The following ADGRV1 variants were observed in gnomAD, a reference collection of about 807,000 sequenced individuals.
The protein encoded by ADGRV1 is G-protein coupled receptor 98.
ADGRV1 carries 359 observed loss-of-function variants against 596.2 expected under a neutral mutation model. The observed-to-expected ratio is 0.60, with a 90% confidence interval of 0.55 to 0.66. ADGRV1 has a LOEUF of 0.66. Ranked by LOEUF, ADGRV1 falls within the 30% of genes least tolerant of loss-of-function variation. ADGRV1 has a pLI of 0.00. For synonymous variants in ADGRV1, 2,681 were observed against 2,679.2 expected (o/e 1.00, Z -0.02); for missense variants, 7,274 against 7,575.6 (o/e 0.96, Z 1.48).
At chr5:90,813,684 C>T (rs1039220915) in intron 74 of ADGRV1, among the ~76,000 whole-genome samples, 1 of 152,204 alleles carries the variant, frequency 6.6e-6, no homozygotes, top group Non-Finnish European at 1.5e-5. Context: ...GGCACATTCA[C>T]GTGGTCATAA....
rs751857929 is a variant in ADGRV1 at position 90,693,907 on chromosome 5, G to T, written c.7151G>T (p.Arg2384Leu). The T allele has an allele frequency of 7.7e-6, 12 of 1,556,518 alleles. No homozygotes were observed. Among genetic ancestry groups the T allele is most frequent in the South Asian group, 1.2e-5 (1 of 81,168 alleles). ...CATTTTAGCGGAGGGCACTTTGGTC[G>T]GCTGTTGTTGTTCTACAGTACTTCC... is the stretch of plus-strand genomic sequence containing the variant. The part of the protein sequence containing the change: ...TVRRSGGHFG[R>L]LLLFYSTSDI... Residue 2384 changes from arginine to leucine, a missense_variant, in exon 33 of 90, where the codon CGG (arginine) becomes CTG (leucine). By Grantham distance (102) the Arg-to-Leu change is moderately radical. This residue lies in a region of ADGRV1 where 3,643 missense variants were observed against 3,809.2 expected (regional missense o/e 0.96). Transcript: ENST00000405460.
rs764167964 is a variant in ADGRV1 at position 90,834,898 on chromosome 5, CTCTT to C, written c.16612-5674_16612-5671del. On this transcript the variant is annotated intron_variant, in intron 77 of 89. Transcript: ENST00000405460. ...CTCTTTCTTTCTTTTTTCTTTCTTT[CTCTT>C]TCTTTTTCTTTCTCTTTCCTTCTTT... Among the ~76,000 whole-genome samples, 156 of 147,710 alleles carry C rather than the reference CTCTT, an allele frequency of 1.1e-3. 1 individual carries two copies. Among genetic ancestry groups the C allele is most frequent in the Non-Finnish European group, 1.8e-3 (123 of 66,544 alleles).
intron 86 of ADGRV1, among the ~76,000 whole-genome samples, chr5:91,082,912 T>C (rs1477422242): frequency 2.0e-5 from 3 of 152,216 alleles, no homozygotes; most frequent in African/African-American, 7.2e-5. Flanking sequence ...AGTGCCTACA[T>C]AGTTCTTTAA....
At chr5:91,032,860 C>G (rs1784588675) in intron 85 of ADGRV1, among the ~76,000 whole-genome samples, 1 of 152,102 alleles carries the variant, frequency 6.6e-6, no homozygotes. Flanking sequence ...TAAAGACTTA[C>G]TTTGTATATG....
At chr5:90,894,344 TA>T (rs1012934509) in intron 83 of ADGRV1, among the ~76,000 whole-genome samples, 4 of 152,224 alleles carry the variant, frequency 2.6e-5, no homozygotes, top group African/African-American at 9.6e-5. Context: ...TCTCTGCTGT[TA>T]CTTATCACTT....
intron 87 of ADGRV1, among the ~76,000 whole-genome samples, chr5:91,113,053 C>A (rs970421501): frequency 2.6e-5 from 4 of 152,112 alleles, no homozygotes; most frequent in African/African-American, 7.2e-5. Context: ...AGGCTCTCCC[C>A]ATGAATGTTC....
At chr5:90,937,539 G>C (rs1239959993) in intron 83 of ADGRV1, among the ~76,000 whole-genome samples, 4 of 147,804 alleles carry the variant, frequency 2.7e-5, no homozygotes, top group African/African-American at 7.5e-5. Flanking sequence ...CTCACTGCAA[G>C]CTCCGCCTCC....
chr5:90,763,507 A>G, intron 59 of ADGRV1, 38 bp downstream of exon 59: 1 of 1,562,922 alleles, frequency 6.4e-7, no homozygotes, highest in Admixed American at 1.7e-5. Flanking sequence ...TTTTTCCCCA[A>G]TTTGTCTTTG....
chr5:90,885,971 A>G (rs1770242454), intron 83 of ADGRV1, among the ~76,000 whole-genome samples: 1 of 152,076 alleles, frequency 6.6e-6, no homozygotes, highest in Admixed American at 6.6e-5. Flanking sequence ...CTGGATCAAG[A>G]TCTCATTAAC....
intron 50 of ADGRV1, among the ~76,000 whole-genome samples, chr5:90,732,010 A>C (rs1752615472): frequency 6.6e-6 from 1 of 151,982 alleles, no homozygotes; most frequent in Non-Finnish European, 1.5e-5. Flanking sequence ...TATTTAATTA[A>C]TTTTTTTAAG....
intron 1 of ADGRV1, among the ~76,000 whole-genome samples, chr5:90,565,760 T>G (rs1755556741): frequency 6.6e-6 from 1 of 152,218 alleles, no homozygotes; most frequent in African/African-American, 2.4e-5. Context: ...TTGAAGAATT[T>G]CCAGCTGTTT....
At chr5:90,842,137 G>C (rs1207267576) in intron 78 of ADGRV1, among the ~76,000 whole-genome samples, 1 of 152,104 alleles carries the variant, frequency 6.6e-6, no homozygotes, top group Non-Finnish European at 1.5e-5. Context: ...GAAAATATAT[G>C]GAAATTCTGC....
At chr5:90,898,246 G>A (rs759086384) in intron 83 of ADGRV1, among the ~76,000 whole-genome samples, 1 of 152,158 alleles carries the variant, frequency 6.6e-6, no homozygotes, top group Non-Finnish European at 1.5e-5. Context: ...CTTTTGCAAA[G>A]AGAAAATAAT....
intron 1 of ADGRV1, among the ~76,000 whole-genome samples, chr5:90,562,463 G>A (rs972801519): frequency 1.3e-5 from 2 of 152,172 alleles, no homozygotes; most frequent in Admixed American, 6.5e-5. Flanking sequence ...GAAGGGTGGA[G>A]CTGAGGCACA....
At chr5:90,661,867 A>G (rs1474226556) in intron 21 of ADGRV1, among the ~76,000 whole-genome samples, 7 of 152,156 alleles carry the variant, frequency 4.6e-5, no homozygotes, top group African/African-American at 1.4e-4. Flanking sequence ...TTTATTTTCT[A>G]TGTCTTATGC....
At position 90,712,434 on chromosome 5, in the gene ADGRV1, T is replaced by C. The variant is rs1439374940; in HGVS notation, c.9184+6T>C. The C allele has an allele frequency of 1.6e-5, 25 of 1,574,344 alleles. No homozygotes were observed. Among genetic ancestry groups the C allele is most frequent in the Non-Finnish European group, 2.2e-5 (25 of 1,156,036 alleles). Reference sequence around the variant, plus strand: ...GCTAGGGAAAAATACAATAGGTAATTAATAATTTCTTATAAACAGCTTCCT... The same window carrying C: ...GCTAGGGAAAAATACAATAGGTAATCAATAATTTCTTATAAACAGCTTCCT... On this transcript the variant is annotated splice_donor_region_variant and intron_variant, in intron 42 of 89. Transcript: ENST00000405460.
intron 85 of ADGRV1, among the ~76,000 whole-genome samples, chr5:91,032,052 T>C (rs916411511): frequency 6.6e-6 from 1 of 152,106 alleles, no homozygotes; most frequent in African/African-American, 2.4e-5. Context: ...TTAAAGAAGG[T>C]GGGCAGAAAT....
intron 83 of ADGRV1, among the ~76,000 whole-genome samples, chr5:90,958,031 T>C (rs964050884): frequency 6.6e-6 from 1 of 151,432 alleles, no homozygotes. Context: ...ATATTTTTTA[T>C]TTGGGAGGCT....
intron 89 of ADGRV1, among the ~76,000 whole-genome samples, chr5:91,156,475 T>G (rs146448100): frequency 1.8e-3 from 269 of 152,274 alleles, no homozygotes; most frequent in African/African-American, 6.1e-3. Context: ...TACAAGTAAT[T>G]CTCAGGGCAG....
Sources: gnomAD v4.1 joint callset for allele counts (sites outside exome capture counted in the v4.1 genomes callset) on GRCh38, gnomAD v4.1.1 for gene constraint, gnomAD v4.1.1 regional missense constraint, MANE v1.5 for transcripts, NCBI Gene and HGNC (gene_info 2026-07-23, HGNC 2026-07-21) for gene names.